The following USP54 variants were observed in gnomAD, a reference collection of about 807,000 sequenced individuals.
USP54 encodes ubiquitin specific peptidase 54, also known as ubiquitin carboxyl-terminal hydrolase 54.
A neutral mutation model predicts 170.5 loss-of-function variants in USP54; 87 were observed. The observed-to-expected ratio is 0.51, with a 90% CI of 0.43 to 0.61. USP54 has a LOEUF of 0.61. USP54 is among the 20% of genes least tolerant of loss of function. USP54 has a pLI of 0.00. For synonymous variants in USP54, 655 were observed against 742.8 expected, an observed-to-expected ratio of 0.88 and a Z score of 1.92; for missense variants, 1,786 against 2,047.8, an observed-to-expected ratio of 0.87 and a Z score of 2.47.
At chr10:73,566,653 C>G (rs997441531) in intron 4 of USP54, among the ~76,000 whole-genome samples, 1 of 151,800 alleles carries the variant, frequency 6.6e-6, no homozygotes, top group South Asian at 2.1e-4. Context: ...ATCACTTGAA[C>G]CCAGGAGGCA....
chr10:73,618,983 CAGGCAGATCACCTG>C (rs2080872895), intron 1 of USP54, among the ~76,000 whole-genome samples: 1 of 149,436 alleles, frequency 6.7e-6, no homozygotes. Flanking sequence ...GAGACCGAGG[CAGGCAGATCACCTG>C]AGGTCAGGAG....
intron 3 of USP54, among the ~76,000 whole-genome samples, chr10:73,574,487 G>A (rs945484949): frequency 1.9e-4 from 29 of 152,184 alleles, no homozygotes; most frequent in East Asian, 7.7e-4. Context: ...CCTTACTCCC[G>A]AAAGGAGAAA....
chr10:73,526,649 G>T lies in USP54; in HGVS notation c.2192C>A (p.Ser731Tyr), dbSNP rs887304903. 2 of 1,613,758 alleles carry T rather than the reference G, an allele frequency of 1.2e-6. No homozygotes were observed. Among genetic ancestry groups the T allele is most frequent in the African/African-American group, 2.7e-5 (2 of 74,914 alleles). Residue 731 changes from serine to tyrosine, a missense_variant and splice_region_variant, in exon 16 of 24, where the codon TCT becomes TAT. Physicochemically the swap from Ser to Tyr is moderately radical, Grantham distance 144. Transcript: ENST00000687698. ...MGGWTKSQPF[S>Y]GEEISSKSEL... ...AAATTCAGTGTCATTCTGCTTACCA[G>T]AGAAAGGCTGACTCTTTGTCCAGCC...
rs1341538775 is a variant in USP54, at chr10:73,573,084, G to T, written c.148-1571C>A. ...TGATCATTTGAGCCCAGGAGTTCAA[G>T]ACCAGCCTAAGCAATTATAGTGAGA... On this transcript the variant is annotated intron_variant, in intron 3 of 23. Transcript: ENST00000687698. Among the ~76,000 whole-genome samples, 4 of 152,060 alleles carry T rather than the reference G, an allele frequency of 2.6e-5. No individual in the cohort carries two copies. The East Asian group carries it at 7.7e-4, about 29-fold the overall frequency.
rs1463946810 is a variant in USP54 at position 73,616,527 on chromosome 10, C to T, written c.-18+9040G>A. 2.7e-5 allele frequency among the ~76,000 whole-genome samples: 4 copies of T among 149,728 alleles called. 1 individual carries two copies. Among genetic ancestry groups the T allele is most frequent in the African/African-American group, 7.6e-5 (3 of 39,222 alleles). On this transcript the variant is annotated intron_variant, in intron 1 of 22. Coordinates refer to the USP54 transcript ENST00000339859. ...GGGGTGGGAAGAGCATCAGGATAAACAGCTAATGTATGCAGGGCTTAATAC... is the reference window on the plus strand; with the variant it reads ...GGGGTGGGAAGAGCATCAGGATAAATAGCTAATGTATGCAGGGCTTAATAC...
chr10:73,562,281 GCC>G (rs1176976476), intron 4 of USP54, among the ~76,000 whole-genome samples: 9 of 151,812 alleles, frequency 5.9e-5, no homozygotes, highest in Non-Finnish European at 1.0e-4. Context: ...CACATACATA[GCC>G]AAAGAATAAT....
At chr10:73,548,950 A>G (rs986026510) in intron 4 of USP54, among the ~76,000 whole-genome samples, 2 of 152,212 alleles carry the variant, frequency 1.3e-5, no homozygotes, top group African/African-American at 4.8e-5. Flanking sequence ...AAGACCAGAA[A>G]TAAGACCATT....
rs984622753 is a variant in USP54, at chr10:73,517,522, T to C, written c.2904A>G (p.Ala968=). The change falls in exon 20 of 24, where the codon GCA becomes GCG. Residue 968 remains alanine (A), a synonymous_variant. Coordinates refer to ENST00000687698, the MANE Select transcript of USP54 (RefSeq NM_001391956.1). ...SVEVDNIEPS[A]FHRQGLPKAP... is the part of the protein sequence containing the mutation. ...CTTTAGGTAAACCTTGCCTGTGGAA[T>C]GCAGAGGGTTCAATGTTGTCTACTT... 7 of 1,614,214 alleles carry C rather than the reference T, an allele frequency of 4.3e-6. No homozygotes were observed. The highest frequency in any genetic ancestry group is 2.2e-5 in the South Asian group (2 of 91,084).
intron 4 of USP54, among the ~76,000 whole-genome samples, chr10:73,561,858 G>GA (rs1281931632): frequency 6.6e-6 from 1 of 151,988 alleles, no homozygotes; most frequent in African/African-American, 2.4e-5. Flanking sequence ...TAGGGATCTG[G>GA]AAAAAAGTAA....
chr10:73,520,321 C>A (rs1238200251), intron 18 of USP54, among the ~76,000 whole-genome samples: 1 of 152,252 alleles, frequency 6.6e-6, no homozygotes, highest in Non-Finnish European at 1.5e-5. Context: ...GGTCTCCACA[C>A]TCTACTCTCA....
intron 20 of USP54, among the ~76,000 whole-genome samples, chr10:73,514,351 T>G (rs961877494): frequency 2.0e-5 from 3 of 151,694 alleles, no homozygotes; most frequent in South Asian, 2.1e-4. Context: ...TCACTTGAGG[T>G]TAGGGCTTCG....
At chr10:73,504,600 C>T in intron 22 of USP54, 2 of 529,352 alleles carry the variant, frequency 3.8e-6, no homozygotes, top group South Asian at 4.5e-5. Flanking sequence ...GGCTTTATGA[C>T]TCTTCTCACC....
intron 12 of USP54, among the ~76,000 whole-genome samples, chr10:73,533,277 G>A (rs1157607544): frequency 6.6e-6 from 1 of 151,934 alleles, no homozygotes; most frequent in Non-Finnish European, 1.5e-5. Context: ...CTGCACTCCA[G>A]CCTGGGCGAC....
intron 23 of USP54, chr10:73,499,503 T>C (rs1253864078): frequency 1.2e-5 from 3 of 246,552 alleles, no homozygotes; most frequent in Non-Finnish European, 2.4e-5. Context: ...TATATAGCAA[T>C]ATATGGCAAA....
At chr10:73,571,383 C>T in intron 4 of USP54, 38 bp downstream of exon 4, 1 of 1,571,652 alleles carries the variant, frequency 6.4e-7, no homozygotes, top group African/African-American at 1.4e-5. Flanking sequence ...ATTTGGCCAC[C>T]CAATGGTAGT....
intron 22 of USP54, among the ~76,000 whole-genome samples, chr10:73,503,031 C>T (rs148997561): frequency 4.8e-4 from 73 of 152,300 alleles, no homozygotes; most frequent in African/African-American, 1.7e-3. Context: ...GTCTCAAATA[C>T]ATCGACTTAT....
At chr10:73,620,482 C>CTTTTT (rs770755452) in intron 1 of USP54, among the ~76,000 whole-genome samples, 1 of 126,178 alleles carries the variant, frequency 7.9e-6, no homozygotes, top group Non-Finnish European at 1.7e-5. Context: ...TCTGGGGATT[C>CTTTTT]TTTTTTTTTT....
chr10:73,582,361 A>C (rs2076997312), intron 1 of USP54, among the ~76,000 whole-genome samples: 1 of 152,064 alleles, frequency 6.6e-6, no homozygotes, highest in Non-Finnish European at 1.5e-5. Context: ...ACCAGGTGTA[A>C]AGTGTGGGAA....
At chr10:73,596,161 C>G (rs1277407043), upstream of USP54, among the ~76,000 whole-genome samples, 2 of 151,712 alleles carry the variant, frequency 1.3e-5, no homozygotes, top group African/African-American at 4.8e-5. Context: ...GTGGCTCACG[C>G]CTATAATCCC....
Sources: allele counts gnomAD v4.1 joint callset (sites outside exome capture counted in the v4.1 genomes callset), GRCh38; gene constraint gnomAD v4.1.1; transcripts MANE v1.5; gene names NCBI Gene and HGNC (gene_info 2026-07-23, HGNC 2026-07-21).